Variants in AUTS2 observed in about 807,000 individuals in gnomAD.
AUTS2 encodes the protein activator of transcription and developmental regulator AUTS2.
A neutral mutation model predicts 112.4 loss-of-function variants in AUTS2; 17 were observed. The observed-to-expected ratio is 0.15, with a 90% confidence interval of 0.10 to 0.23. The LOEUF (loss-of-function observed/expected upper bound fraction) is 0.23. Among genes scored for constraint, AUTS2 ranks in the 10% least tolerant of loss-of-function variants. The pLI is 1.00. For synonymous variants in AUTS2, 751 were observed against 702.7 expected, an observed-to-expected ratio of 1.07 and a Z score of -1.09; for missense variants, 1,510 against 1,701.6, an observed-to-expected ratio of 0.89 and a Z score of 1.98.
intron 2 of AUTS2, among the ~76,000 whole-genome samples, chr7:70,086,640 CAAAA>C (rs71068015): frequency 1.2e-5 from 1 of 83,560 alleles, no homozygotes. Context: ...GACTCCATCT[CAAAA>C]AAAAAAAAAA....
chr7:70,542,215 C>A (rs1293944886), intron 5 of AUTS2, among the ~76,000 whole-genome samples: 2 of 152,174 alleles, frequency 1.3e-5, no homozygotes, highest in South Asian at 2.1e-4. Flanking sequence ...TCTTCATAAC[C>A]CAGGTTGGCT....
At chr7:70,177,316 C>T (rs1483686606) in intron 4 of AUTS2, among the ~76,000 whole-genome samples, 10 of 152,156 alleles carry the variant, frequency 6.6e-5, no homozygotes. Flanking sequence ...GAGCCTGAGG[C>T]TTAGATTCAG....
In AUTS2 at chr7:69,755,110, A is replaced by T. The variant is rs545995283; in HGVS notation, c.310-144176A>T. 2.6e-5 allele frequency among the ~76,000 whole-genome samples: 4 copies of T among 152,316 alleles called. No individual in the cohort carries two copies. In the South Asian group the frequency reaches 8.3e-4, roughly 32 times the overall value. On this transcript the variant is annotated intron_variant, in intron 1 of 18. Transcript: ENST00000342771. ...AAGTGACTTGACGAGGTCACCCATC[A>T]AGTGGTTTGGGGCGGACAGGCAGAG...
At chr7:70,579,985 G>A (rs1802359218) in intron 5 of AUTS2, among the ~76,000 whole-genome samples, 1 of 152,138 alleles carries the variant, frequency 6.6e-6, no homozygotes. Context: ...GATTACGTTT[G>A]CAGGACAGCC....
intron 6 of AUTS2, among the ~76,000 whole-genome samples, chr7:70,707,253 A>G (rs569073787): frequency 6.6e-6 from 1 of 152,366 alleles, no homozygotes. Flanking sequence ...GAAGTTAGAT[A>G]TGAATAGCTA....
At chr7:70,369,776 A>C (rs987961526) in intron 4 of AUTS2, among the ~76,000 whole-genome samples, 1 of 152,220 alleles carries the variant, frequency 6.6e-6, no homozygotes, top group African/African-American at 2.4e-5. Context: ...GAGAAGGATT[A>C]GTTAAAAGAC....
chr7:70,383,135 A>AT (rs1188665841), intron 4 of AUTS2, among the ~76,000 whole-genome samples: 4 of 151,882 alleles, frequency 2.6e-5, no homozygotes, highest in African/African-American at 4.8e-5. Context: ...CTTTACCATA[A>AT]TTTTTTGCTT....
At chr7:70,460,080 G>A (rs899958424) in intron 5 of AUTS2, among the ~76,000 whole-genome samples, 15 of 152,238 alleles carry the variant, frequency 9.9e-5, no homozygotes, top group African/African-American at 3.4e-4. Flanking sequence ...TTTCCATACC[G>A]TATAGAGGAG....
intron 1 of AUTS2, among the ~76,000 whole-genome samples, chr7:69,719,317 G>A (rs1045447416): frequency 2.4e-4 from 37 of 152,116 alleles, no homozygotes; most frequent in African/African-American, 6.7e-4. Context: ...CTTCAACTGG[G>A]TCTCACATAA....
chr7:70,129,632 G>A (rs1368441407), intron 3 of AUTS2, among the ~76,000 whole-genome samples: 1 of 152,164 alleles, frequency 6.6e-6, no homozygotes, highest in African/African-American at 2.4e-5. Context: ...TGGAGTTGTA[G>A]TTCTTACTTT....
chr7:69,835,423 T>C lies in AUTS2; in HGVS notation c.310-63863T>C, dbSNP rs116899002. The stretch of plus-strand genomic sequence containing the variant: ...TCTGATTTTTCTTAACACAGTACTC[T>C]AGGGAGAGGCCACTAGACAAGATGA... On this transcript the variant is annotated intron_variant, in intron 1 of 18. Transcript: ENST00000342771. Among the ~76,000 whole-genome samples, 89 of 152,254 alleles carry C rather than the reference T, an allele frequency of 5.8e-4. 1 individual carries two copies. In the East Asian group the frequency reaches 0.017, roughly 28 times the overall value.
At chr7:69,736,321 A>G (rs910406837) in intron 1 of AUTS2, among the ~76,000 whole-genome samples, 11 of 152,124 alleles carry the variant, frequency 7.2e-5, no homozygotes, top group Admixed American at 2.6e-4. Context: ...ACACAGTGAA[A>G]TTCCCTAGGC....
At chr7:69,957,612 A>C (rs1246790862) in intron 2 of AUTS2, among the ~76,000 whole-genome samples, 1 of 152,128 alleles carries the variant, frequency 6.6e-6, no homozygotes, top group East Asian at 1.9e-4. Context: ...TGTACTGATA[A>C]AGATTCCTAA....
chr7:69,806,309 G>A (rs1790305310), intron 1 of AUTS2, among the ~76,000 whole-genome samples: 1 of 150,126 alleles, frequency 6.7e-6, no homozygotes, highest in South Asian at 2.1e-4. Flanking sequence ...AGTGTGTCTA[G>A]GTAAAGGTTT....
chr7:69,698,170 T>G (rs1227911841), intron 1 of AUTS2, among the ~76,000 whole-genome samples: 1 of 152,210 alleles, frequency 6.6e-6, no homozygotes, highest in African/African-American at 2.4e-5. Context: ...CCATTAATAA[T>G]GGTCCCATAA....
At chr7:70,401,655 T>C (rs759271562) in intron 4 of AUTS2, among the ~76,000 whole-genome samples, 2 of 152,184 alleles carry the variant, frequency 1.3e-5, no homozygotes, top group Admixed American at 6.5e-5. Context: ...AGGAGTCATA[T>C]GCAGATGAAG....
intron 4 of AUTS2, among the ~76,000 whole-genome samples, chr7:70,163,346 G>GT (rs1218474537): frequency 7.4e-5 from 6 of 81,034 alleles, no homozygotes; most frequent in Non-Finnish European, 1.3e-4. Context: ...TGTGGTGGTG[G>GT]GGGGGGGGGG....
chr7:70,274,894 A>G (rs183829236), intron 4 of AUTS2, among the ~76,000 whole-genome samples: 5 of 152,348 alleles, frequency 3.3e-5, no homozygotes, highest in African/African-American at 9.6e-5. Flanking sequence ...ACTTCTGGGT[A>G]TATAATCGGA....
chr7:70,728,427 C>T (rs569831728), intron 6 of AUTS2, among the ~76,000 whole-genome samples: 3 of 151,962 alleles, frequency 2.0e-5, no homozygotes, highest in East Asian at 1.9e-4. Flanking sequence ...ATCTGGAGGC[C>T]GGGCATGGTG....
Sources: allele counts gnomAD v4.1 joint callset (sites outside exome capture counted in the v4.1 genomes callset), GRCh38; gene constraint gnomAD v4.1.1; transcripts MANE v1.5; gene names NCBI Gene and HGNC (gene_info 2026-07-23, HGNC 2026-07-21).